The following WAPL variants were observed in gnomAD, a reference collection of about 807,000 sequenced individuals.
The protein encoded by WAPL is WAPL cohesin release factor.
WAPL carries 5 observed loss-of-function variants against 121.0 expected under a neutral mutation model. The ratio of observed to expected loss-of-function variants is 0.04; its 90% confidence interval spans 0.02 to 0.09. The LOEUF is 0.09. Ranked by LOEUF, WAPL falls within the 10% of genes least tolerant of loss-of-function variation. WAPL has a pLI of 1.00. For missense variants in WAPL, 999 were observed against 1,410.8 expected (o/e 0.71, Z 4.68); for synonymous variants, 480 against 481.5 (o/e 1.00, Z 0.04).
At chr10:86,476,675 C>T (rs188379123) in intron 4 of WAPL, among the ~76,000 whole-genome samples, 93 of 139,906 alleles carry the variant, frequency 6.6e-4, no homozygotes, top group African/African-American at 2.3e-3. Flanking sequence ...GGCGACAAAG[C>T]GAGACTGTCT....
chr10:86,465,750 T>A (rs781512317), intron 9 of WAPL, among the ~76,000 whole-genome samples: 1 of 152,218 alleles, frequency 6.6e-6, no homozygotes, highest in African/African-American at 2.4e-5. Context: ...CCTAAGTCCC[T>A]ATTAAATGTT....
At chr10:86,469,625 T>C (rs376765060) in intron 8 of WAPL, among the ~76,000 whole-genome samples, 21 of 152,180 alleles carry the variant, frequency 1.4e-4, no homozygotes, top group African/African-American at 3.9e-4. Flanking sequence ...TAAAAAAAGG[T>C]CTTACATTTG....
chr10:86,456,321 T>A (rs959833071), intron 12 of WAPL, among the ~76,000 whole-genome samples: 2 of 151,792 alleles, frequency 1.3e-5, no homozygotes, highest in Non-Finnish European at 2.9e-5. Context: ...TTCTGTATAT[T>A]GCATGATGAT....
rs749262751 is a variant in WAPL at position 86,517,997 on chromosome 10, A to C, written c.73T>G (p.Ser25Ala). 3 of 1,614,206 alleles carry C rather than the reference A, an allele frequency of 1.9e-6. No homozygotes were observed. The highest frequency in any genetic ancestry group is 2.2e-5 in the South Asian group (2 of 91,084). Residue 25 changes from serine (S) to alanine (A), a missense_variant, in exon 2 of 19, where the codon TCC (serine) becomes GCC (alanine). Around this residue, in one of 7 missense-constraint regions of WAPL, gnomAD observed 30 missense variants for 56.4 expected, o/e 0.53. Coordinates refer to ENST00000298767, the MANE Select transcript of WAPL (RefSeq NM_015045.5). ...NGSSKFDEVF[S>A]NKRTTLSTKW... is the part of the protein sequence containing the mutation. ...GTGCTAAGGGTAGTCCGTTTGTTGGAAAAGACTTCATCGAATTTTGAACTG... is the reference window on the plus strand; with the variant it reads ...GTGCTAAGGGTAGTCCGTTTGTTGGCAAAGACTTCATCGAATTTTGAACTG...
intron 17 of WAPL, among the ~76,000 whole-genome samples, chr10:86,440,748 T>C (rs1418438797): frequency 6.6e-6 from 1 of 152,076 alleles, no homozygotes; most frequent in Non-Finnish European, 1.5e-5. Flanking sequence ...ACTTTGGTCT[T>C]GATCCTGAAA....
chr10:86,477,470 G>C (rs559844933), intron 4 of WAPL, among the ~76,000 whole-genome samples: 3 of 152,234 alleles, frequency 2.0e-5, no homozygotes, highest in East Asian at 1.9e-4. Context: ...TGCACCACCA[G>C]GCTTGTCTTT....
intron 4 of WAPL, among the ~76,000 whole-genome samples, chr10:86,481,381 AT>A (rs1235568844): frequency 2.0e-5 from 3 of 151,548 alleles, no homozygotes; most frequent in East Asian, 1.9e-4. Context: ...GAAAAAAAAA[AT>A]TTTTTTTTGA....
intron 4 of WAPL, among the ~76,000 whole-genome samples, chr10:86,492,782 C>T (rs374855909): frequency 3.9e-5 from 6 of 152,244 alleles, no homozygotes; most frequent in East Asian, 3.9e-4. Context: ...GCCATCCGGG[C>T]GCGGTGGCTC....
chr10:86,500,389 T>C lies in WAPL; in HGVS notation c.854A>G (p.Gln285Arg), dbSNP rs750008306. ...ACAGTTGGTTGGCCTAAGAACACTT[T>C]GTACAATATCTTCCTCAATGGCTTC... ...LNEAIEEDIV[Q>R]SVLRPTNCRT... The change falls in exon 3 of 19, where the codon CAA becomes CGA. Residue 285 changes from glutamine to arginine, a missense_variant. Gln to Arg is a conservative substitution (Grantham distance 43). Coordinates refer to ENST00000298767, the MANE Select transcript of WAPL (RefSeq NM_015045.5). 17 of 1,614,240 alleles carry C rather than the reference T, an allele frequency of 1.1e-5. 1 individual carries two copies. The South Asian group carries it at 1.5e-4, about 15-fold the overall frequency.
chr10:86,493,974 G>C (rs1842101363), intron 4 of WAPL, among the ~76,000 whole-genome samples: 1 of 152,188 alleles, frequency 6.6e-6, no homozygotes, highest in Non-Finnish European at 1.5e-5. Context: ...CTGCACTCCA[G>C]CCTGGGCAAC....
At position 86,497,293 on chromosome 10, in the gene WAPL, G is replaced by T. The variant is rs952553474; in HGVS notation, c.1552C>A (p.Pro518Thr). The change falls in exon 4 of 19, where the codon CCT becomes ACT. Residue 518 changes from proline to threonine, a missense_variant. Pro to Thr is a conservative substitution (Grantham distance 38, BLOSUM62 -1). This residue lies in a region of WAPL where 531 missense variants were observed against 563.1 expected (regional missense o/e 0.94). Transcript: ENST00000298767. Reference sequence around the variant, plus strand: ...TTCTTCACACTTTCAGGCACACCAGGCAAGTCCTCTGTAAAATCCAAGTTT... The same window carrying T: ...TTCTTCACACTTTCAGGCACACCAGTCAAGTCCTCTGTAAAATCCAAGTTT... ...AENLDFTEDL[P>T]GVPESVKKPI... 10 of 1,610,408 alleles carry T rather than the reference G, an allele frequency of 6.2e-6. No individual in the cohort carries two copies. Among genetic ancestry groups the T allele is most frequent in the East Asian group, 4.5e-5 (2 of 44,820 alleles).
In WAPL at chr10:86,438,370, C is replaced by T. The variant is rs972627950; in HGVS notation, c.3412-355G>A. ...CTGGGTTCAAGTGATTCCCATGCCTCAGCCTCCCGGGTAGCCGGGATTAAA... is the reference window on the plus strand; with the variant it reads ...CTGGGTTCAAGTGATTCCCATGCCTTAGCCTCCCGGGTAGCCGGGATTAAA... On this transcript the variant is annotated intron_variant, in intron 17 of 18. Transcript: ENST00000298767. Among the ~76,000 whole-genome samples the T allele has an allele frequency of 1.4e-4, 22 of 152,014 alleles. 1 individual carries two copies. Among genetic ancestry groups the T allele is most frequent in the Admixed American group, 1.4e-3 (22 of 15,280 alleles).
intron 15 of WAPL, among the ~76,000 whole-genome samples, chr10:86,446,816 A>G (rs1849632406): frequency 6.6e-6 from 1 of 152,242 alleles, no homozygotes; most frequent in African/African-American, 2.4e-5. Context: ...CTATGCTGGT[A>G]TAGTACTGAC....
intron 1 of WAPL, among the ~76,000 whole-genome samples, chr10:86,518,298 T>C (rs1842599799): frequency 1.3e-5 from 2 of 152,262 alleles, no homozygotes; most frequent in South Asian, 4.1e-4. Context: ...CCACAATGAG[T>C]ACATATTCCT....
intron 14 of WAPL, among the ~76,000 whole-genome samples, chr10:86,452,398 C>A (rs772965680): frequency 4.6e-5 from 7 of 152,056 alleles, no homozygotes; most frequent in Non-Finnish European, 7.4e-5. Flanking sequence ...TCGAGACCAA[C>A]CTGACAAACA....
chr10:86,466,660 C>G (rs1218583873), intron 9 of WAPL, among the ~76,000 whole-genome samples: 1 of 146,366 alleles, frequency 6.8e-6, no homozygotes, highest in Non-Finnish European at 1.5e-5. Flanking sequence ...TCCCTGAAAT[C>G]CATGGAGAAT....
Position 86,500,308 on chromosome 10 carries a change from T to C in WAPL, c.935A>G (p.Asp312Gly). 6 of 1,614,248 alleles carry C rather than the reference T, an allele frequency of 3.7e-6. No homozygotes were observed. Among genetic ancestry groups the C allele is most frequent in the Non-Finnish European group, 5.1e-6 (6 of 1,180,038 alleles). Residue 312 changes from aspartate to glycine, a missense_variant, in exon 3 of 19, where the codon GAT becomes GGT. Asp to Gly is a moderately conservative substitution (Grantham distance 94). Transcript: ENST00000298767. ...TKSSQGASNFDKLMDGTSQAL... is the reference protein window; with the variant it reads ...TKSSQGASNFGKLMDGTSQAL... Reference sequence around the variant, plus strand: ...CTGACTGGTGCCGTCCATCAGCTTATCAAAATTTGATGCTCCTTGGGAGGA... The same window carrying C: ...CTGACTGGTGCCGTCCATCAGCTTACCAAAATTTGATGCTCCTTGGGAGGA...
intron 4 of WAPL, among the ~76,000 whole-genome samples, chr10:86,481,903 C>G (rs1841799531): frequency 6.6e-6 from 1 of 150,586 alleles, no homozygotes; most frequent in African/African-American, 2.4e-5. Flanking sequence ...TAAAGCAAAC[C>G]AGAACAAAGA....
intron 3 of WAPL, 122 bp downstream of exon 3, chr10:86,499,596 A>C: frequency 1.1e-6 from 1 of 936,596 alleles, no homozygotes; most frequent in East Asian, 2.7e-5. Flanking sequence ...TCTTTATCTT[A>C]TTATACTGTA....
Sources: allele counts gnomAD v4.1 joint callset (sites outside exome capture counted in the v4.1 genomes callset), GRCh38; gene constraint gnomAD v4.1.1; regional missense constraint gnomAD v4.1.1; transcripts MANE v1.5; gene names NCBI Gene and HGNC (gene_info 2026-07-23, HGNC 2026-07-21).